Variants in ITGB1 observed in about 807,000 individuals in gnomAD.
ITGB1 encodes the protein integrin subunit beta 1.
In ITGB1, 24 loss-of-function variants were observed where a neutral mutation model predicts 86.5. That is an observed-to-expected ratio of 0.28 (90% CI 0.20 to 0.39). The LOEUF (loss-of-function observed/expected upper bound fraction) is 0.39. ITGB1 is among the 10% of genes least tolerant of loss of function. The pLI is 1.00. For synonymous variants in ITGB1, 323 were observed against 316.8 expected, an observed-to-expected ratio of 1.02 and a Z score of -0.21; for missense variants, 556 against 946.9, an observed-to-expected ratio of 0.59 and a Z score of 5.42.
intron 2 of ITGB1, 125 bp from the exon 3 acceptor site, chr10:32,932,725 T>C (rs2094987778): frequency 8.2e-6 from 5 of 607,002 alleles, no homozygotes; most frequent in East Asian, 5.8e-5. Context: ...CTAGTTACCA[T>C]CTAAACTAGA....
intron 15 of ITGB1, among the ~76,000 whole-genome samples, chr10:32,905,232 G>T (rs942984036): frequency 2.6e-5 from 4 of 152,036 alleles, no homozygotes; most frequent in Admixed American, 1.3e-4. Context: ...AAATCTTACG[G>T]TCTACTTAGA....
rs948769000 is a variant in ITGB1, at chr10:32,901,228, C to T, written c.*342G>A. The T allele has an allele frequency of 3.7e-5, 7 of 189,554 alleles. No individual in the cohort carries two copies. Among genetic ancestry groups the T allele is most frequent in the African/African-American group, 5.0e-5 (2 of 39,614 alleles). 11.7% of individuals were successfully genotyped at this position (189,554 alleles called of 1,614,324 possible). On this transcript the variant is annotated 3_prime_UTR_variant, in exon 16 of 16. Coordinates refer to ENST00000302278, the MANE Select transcript of ITGB1 (RefSeq NM_002211.4). ...TTAATACATGATTAACAGAAACTCT[C>T]ATCATGCTCATTACTTTAACTATTG...
Position 32,929,892 on chromosome 10 carries a change from T to G in ITGB1, c.306A>C (p.Thr102=). 3 of 1,613,372 alleles carry G rather than the reference T, an allele frequency of 1.9e-6. No homozygotes were observed. In the South Asian group the frequency reaches 3.3e-5, roughly 18 times the overall value. The change falls in exon 4 of 16, where the codon ACA becomes ACC. Residue 102 remains threonine, a synonymous_variant. Coordinates refer to ENST00000302278, the MANE Select transcript of ITGB1 (RefSeq NM_002211.4). The part of the protein sequence containing the change: ...NKNVTNRSKG[T]AEKLKPEDIT... ...TATCCTCTGGCTTGAGCTTCTCTGC[T>G]GTTCCTTTGCTACGGTTGGTTACAT... is the stretch of plus-strand genomic sequence containing the variant.
intron 2 of ITGB1, among the ~76,000 whole-genome samples, chr10:32,934,331 T>G (rs1211404673): frequency 6.6e-6 from 1 of 152,218 alleles, no homozygotes; most frequent in Non-Finnish European, 1.5e-5. Flanking sequence ...TTACCTAGCA[T>G]TTACATTGTA....
intron 1 of ITGB1, among the ~76,000 whole-genome samples, chr10:32,939,763 AGT>A (rs2095013768): frequency 1.4e-5 from 2 of 138,500 alleles, no homozygotes; most frequent in African/African-American, 5.2e-5. Context: ...TGAGTGAGTG[AGT>A]GAGAGGGGCA....
intron 1 of ITGB1, among the ~76,000 whole-genome samples, chr10:32,940,748 A>AT (rs1302780837): frequency 6.6e-6 from 1 of 152,174 alleles, no homozygotes; most frequent in African/African-American, 2.4e-5. Flanking sequence ...TCATTCACAA[A>AT]TTTTTTGACT....
intron 1 of ITGB1, among the ~76,000 whole-genome samples, chr10:32,955,177 A>G (rs1357306588): frequency 6.6e-6 from 1 of 152,070 alleles, no homozygotes; most frequent in Non-Finnish European, 1.5e-5. Context: ...TAACGTCTCT[A>G]CTCCATACCT....
chr10:32,911,362 G>A (rs990452532), intron 13 of ITGB1, 86 bp downstream of exon 13: 2 of 1,103,104 alleles, frequency 1.8e-6, no homozygotes, highest in African/African-American at 1.5e-5. Context: ...TTTTAATATT[G>A]GCACTGTTCT....
At chr10:32,907,805 C>T (rs916438825) in intron 15 of ITGB1, among the ~76,000 whole-genome samples, 5 of 151,766 alleles carry the variant, frequency 3.3e-5, no homozygotes, top group African/African-American at 4.8e-5. Context: ...AATACACTAA[C>T]GATAGCTGAT....
chr10:32,938,479 T>A (rs1377060734), intron 1 of ITGB1, among the ~76,000 whole-genome samples: 2 of 152,240 alleles, frequency 1.3e-5, no homozygotes, highest in African/African-American at 2.4e-5. Flanking sequence ...GATGAAGTTA[T>A]TAGGTAACAG....
intron 14 of ITGB1, among the ~76,000 whole-genome samples, chr10:32,909,717 C>T (rs754381566): frequency 6.6e-6 from 1 of 151,510 alleles, no homozygotes; most frequent in South Asian, 2.1e-4. Context: ...TATGTTCACA[C>T]AAAAACATGT....
intron 9 of ITGB1, among the ~76,000 whole-genome samples, chr10:32,921,178 A>AC (rs1593865399): frequency 6.6e-6 from 1 of 151,358 alleles, no homozygotes; most frequent in African/African-American, 2.4e-5. Context: ...AAAAAAAAAA[A>AC]CAAAATCCCC....
chr10:32,928,845 G>A (rs751343596), intron 4 of ITGB1, among the ~76,000 whole-genome samples: 29 of 151,780 alleles, frequency 1.9e-4, no homozygotes, highest in Non-Finnish European at 3.5e-4. Flanking sequence ...AGGAGGAGAA[G>A]AGAGAGATAC....
At chr10:32,908,200 ATGCT>A (rs1364724231) in intron 15 of ITGB1, 164 bp downstream of exon 15, 4 of 637,678 alleles carry the variant, frequency 6.3e-6, no homozygotes, top group Non-Finnish European at 1.1e-5. Context: ...TATATTTAGG[ATGCT>A]TTCTGTTTTT....
rs773205002 is a variant in ITGB1 at position 32,928,314 on chromosome 10, C to T, written c.377-50G>A. 1.7e-5 allele frequency: 13 copies of T among 752,582 alleles called. No homozygotes were observed. In the East Asian group the frequency reaches 2.5e-4, roughly 15 times the overall value. 46.6% of individuals were successfully genotyped at this position (752,582 alleles called of 1,614,324 possible). On this transcript the variant is annotated intron_variant, in intron 4 of 15. Coordinates refer to ENST00000302278, the MANE Select transcript of ITGB1 (RefSeq NM_002211.4). ...TGAAACTTGCCTGTTGGCAATCAAACGCAAACGAGAAAAACCAAATAAATG... is the reference window on the plus strand; with the variant it reads ...TGAAACTTGCCTGTTGGCAATCAAATGCAAACGAGAAAAACCAAATAAATG...
chr10:32,918,371 GAATAAT>G (rs373001564), intron 11 of ITGB1, among the ~76,000 whole-genome samples: 6 of 151,476 alleles, frequency 4.0e-5, no homozygotes, highest in Non-Finnish European at 8.8e-5. Context: ...ATCTTGGAGG[GAATAAT>G]AATAATAATA....
At chr10:32,931,787 A>G (rs1396106846) in intron 3 of ITGB1, among the ~76,000 whole-genome samples, 2 of 152,042 alleles carry the variant, frequency 1.3e-5, no homozygotes, top group African/African-American at 4.8e-5. Context: ...ATCTTCTGAT[A>G]TTAGTTATTC....
chr10:32,930,688 A>T (rs1485727780), intron 3 of ITGB1, among the ~76,000 whole-genome samples: 15 of 152,106 alleles, frequency 9.9e-5, no homozygotes, highest in Admixed American at 9.8e-4. Context: ...TAAAAGGAGT[A>T]AGTATATGAC....
Position 32,929,915 on chromosome 10 carries a change from C to T in ITGB1, c.283G>A (p.Val95Ile). The T allele has an allele frequency of 6.2e-7, 1 of 1,609,184 alleles. No individual in the cohort carries two copies. The highest frequency in any genetic ancestry group is 1.1e-5 in the South Asian group (1 of 90,978). Reference protein sequence around the residue: ...GSKDIKKNKNVTNRSKGTAEK... With the variant: ...GSKDIKKNKNITNRSKGTAEK... ...GCTGTTCCTTTGCTACGGTTGGTTACATTTTTATTTTTCTTTATATCTTTG... is the reference window on the plus strand; with the variant it reads ...GCTGTTCCTTTGCTACGGTTGGTTATATTTTTATTTTTCTTTATATCTTTG... Residue 95 changes from valine to isoleucine, a missense_variant, in exon 4 of 16, where the codon GTA (valine) becomes ATA (isoleucine). Val to Ile is a conservative substitution (Grantham distance 29). This residue lies in a region of ITGB1 where 183 missense variants were observed against 263.9 expected (regional missense o/e 0.69). Coordinates refer to ENST00000302278, the MANE Select transcript of ITGB1 (RefSeq NM_002211.4).
Sources: allele counts gnomAD v4.1 joint callset (sites outside exome capture counted in the v4.1 genomes callset), GRCh38; gene constraint gnomAD v4.1.1; regional missense constraint gnomAD v4.1.1; transcripts MANE v1.5; gene names NCBI Gene and HGNC (gene_info 2026-07-23, HGNC 2026-07-21).